C6orf120: variants seen among roughly 807,000 people sequenced by gnomAD.
The protein encoded by C6orf120 is chromosome 6 open reading frame 120.
For missense variants in C6orf120, 311 were observed against 264.2 expected (o/e 1.18, Z -1.23); for synonymous variants, 165 against 123.1 (o/e 1.34, Z -2.25).
chr6:169,705,662 TTTC>T (rs1224244859), downstream of C6orf120: 1 of 1,588,904 alleles, frequency 6.3e-7, no homozygotes, highest in East Asian at 2.2e-5. Flanking sequence ...CAGCCTTTCC[TTTC>T]TTGTTGGACT....
chr6:169,703,506 G>A (rs1392089939), exon 1 of C6orf120: 1 of 203,336 alleles, frequency 4.9e-6, no homozygotes, highest in African/African-American at 2.4e-5. Flanking sequence ...CCCCAAGTAG[G>A]TGATGGTACT....
At chr6:169,705,651 T>G (rs1271608385), downstream of C6orf120, 2 of 1,564,144 alleles carry the variant, frequency 1.3e-6, no homozygotes, top group Admixed American at 1.7e-5. Context: ...TATAAGTGAT[T>G]CAGCCTTTCC....
At chr6:169,703,616 TAGTG>T in exon 1 of C6orf120, 1 of 224,294 alleles carries the variant, frequency 4.5e-6, no homozygotes, top group South Asian at 9.4e-5. Flanking sequence ...CACCAAATCT[TAGTG>T]GGCCATTTGT....
exon 1 of C6orf120, chr6:169,702,228 C>G (rs916459642): frequency 2.9e-6 from 2 of 688,632 alleles, no homozygotes; most frequent in East Asian, 2.8e-5. Context: ...CGGCCCTGCC[C>G]CTGCCCCTGC....
chr6:169,702,603 G>C, exon 1 of C6orf120: 4 of 1,613,348 alleles, frequency 2.5e-6, no homozygotes, highest in Non-Finnish European at 3.4e-6. Context: ...TCCAGGGCCA[G>C]ATAGGCGCCG....
chr6:169,702,470 C>A (rs1279679364), exon 1 of C6orf120: 3 of 1,555,084 alleles, frequency 1.9e-6, no homozygotes, highest in Non-Finnish European at 1.7e-6. Flanking sequence ...ATGGCCGCTC[C>A]CCGCGGGAGG....
In C6orf120 at chr6:169,704,214, G is replaced by A. The variant is rs1788689125; in HGVS notation, c.*1179G>A. The A allele has an allele frequency of 8.0e-6, 5 of 626,990 alleles. No individual in the cohort carries two copies. In the South Asian group the frequency reaches 1.3e-4, roughly 17 times the overall value. 38.8% of individuals were successfully genotyped at this position (626,990 alleles called of 1,614,324 possible). The stretch of plus-strand genomic sequence containing the variant: ...CCTCTCTGGATTTTGTGGTGAGAAG[G>A]GCACTATGAGTTCCTTAATTTAAGG... On this transcript the variant is annotated 3_prime_UTR_variant, in exon 1 of 1. Coordinates refer to ENST00000332290, the Ensembl canonical transcript of C6orf120.
exon 1 of C6orf120, chr6:169,704,784 T>C (rs1488772255): frequency 5.3e-6 from 1 of 188,276 alleles, no homozygotes; most frequent in Non-Finnish European, 1.2e-5. Flanking sequence ...AATAGATTTC[T>C]ATAGAAATGT....
rs958197102 is a variant in C6orf120, at chr6:169,702,262, C to G, written c.-198C>G. 19 of 692,460 alleles carry G rather than the reference C, an allele frequency of 2.7e-5. No homozygotes were observed. The South Asian group carries it at 2.9e-4, about 10-fold the overall frequency. 42.9% of individuals were successfully genotyped at this position (692,460 alleles called of 1,614,324 possible). On this transcript the variant is annotated 5_prime_UTR_variant, in exon 1 of 1. Transcript: ENST00000332290. ...GCCCCTGCCCTGAGTGGGCGCCGCG[C>G]TACGGGGGAGGGGTTAACCCACCCC...
chr6:169,702,196 G>T (rs746664337), exon 1 of C6orf120: 3 of 674,020 alleles, frequency 4.5e-6, no homozygotes, highest in Admixed American at 4.1e-5. Flanking sequence ...GGGGAGTGGT[G>T]GTGAGTCCGA....
At chr6:169,704,018 G>GT (rs766495557) in exon 1 of C6orf120, 35 of 1,600,976 alleles carry the variant, frequency 2.2e-5, no homozygotes, top group Non-Finnish European at 3.0e-5. Flanking sequence ...CCTCTTTGCT[G>GT]TTTTTCCCCC....
chr6:169,702,152 C>G, upstream of C6orf120: 2 of 616,912 alleles, frequency 3.2e-6, no homozygotes, highest in Non-Finnish European at 3.0e-6. Flanking sequence ...AGGCTCCGGC[C>G]TCGGGTCCGG....
At chr6:169,705,429 A>G (rs1788747813), downstream of C6orf120, 3 of 793,896 alleles carry the variant, frequency 3.8e-6, no homozygotes, top group Non-Finnish European at 6.2e-6. Context: ...CTATAATGTC[A>G]AATCGCCAAA....
At chr6:169,704,342 A>G (rs1183353544) in exon 1 of C6orf120, 4 of 418,782 alleles carry the variant, frequency 9.6e-6, no homozygotes, top group Non-Finnish European at 1.3e-5. Flanking sequence ...CGGACCTTTA[A>G]GAAAGTACAA....
exon 1 of C6orf120, chr6:169,702,906 C>T (rs1484395444): frequency 6.2e-7 from 1 of 1,612,438 alleles, no homozygotes; most frequent in East Asian, 2.2e-5. Flanking sequence ...AGGCCGCCTA[C>T]CCCGCCGACG....
At chr6:169,704,826 A>G (rs1048551648) in exon 1 of C6orf120, 1 of 239,460 alleles carries the variant, frequency 4.2e-6, no homozygotes, top group Non-Finnish European at 8.6e-6. Flanking sequence ...TGTTGTTTCT[A>G]AATAGATAAC....
chr6:169,702,547 G>A, exon 1 of C6orf120: 2 of 1,612,418 alleles, frequency 1.2e-6, no homozygotes, highest in Non-Finnish European at 1.7e-6. Flanking sequence ...GGGAAGCTGC[G>A]CGGACGAGGA....
At chr6:169,703,366 TTGA>T (rs1474864556) in exon 1 of C6orf120, 1 of 301,232 alleles carries the variant, frequency 3.3e-6, no homozygotes, top group Non-Finnish European at 6.6e-6. Flanking sequence ...AATCAAAAGG[TTGA>T]TAACTTTGTA....
rs1205758290 is a variant in C6orf120, at chr6:169,703,804, G to T, written c.*769G>T. 17 of 548,412 alleles carry T rather than the reference G, an allele frequency of 3.1e-5. No individual in the cohort carries two copies. In the South Asian group the frequency reaches 3.4e-4, roughly 11 times the overall value. The allele number at this position is 548,412 out of a possible 1,614,324, so 34.0% of individuals were successfully genotyped here. On this transcript the variant is annotated 3_prime_UTR_variant, in exon 1 of 1. Transcript: ENST00000332290. ...CACTGAATTTTTGGAGTGAGCCAAG[G>T]TTACTATAAAATACTTTGGAAGATG...
Sources: allele counts gnomAD v4.1 joint callset, GRCh38; gene constraint gnomAD v4.1.1; transcripts MANE v1.5; gene names NCBI Gene and HGNC (gene_info 2026-07-23, HGNC 2026-07-21).